Variants in STS observed in about 807,000 individuals in gnomAD.
STS encodes the protein steroid sulfatase.
Under a neutral mutation model 26.8 loss-of-function variants are expected in STS, and 7 were observed. That is an observed-to-expected ratio of 0.26 (90% CI 0.15 to 0.49). STS has a LOEUF of 0.49. Ranked by LOEUF, STS falls within the 20% of genes least tolerant of loss-of-function variation. STS has a pLI of 0.98. For synonymous variants in STS, 199 were observed against 189.4 expected (o/e 1.05, Z -0.42); for missense variants, 434 against 465.6 (o/e 0.93, Z 0.63).
At chrX:7,313,617 C>T (rs1457694126) in intron 8 of STS, among the ~76,000 whole-genome samples, 4 of 112,121 alleles carry the variant, frequency 3.6e-5, no homozygotes, top group African/African-American at 1.3e-4. Flanking sequence ...TGAAAGATCA[C>T]ATCAGTCTCA....
Position 7,280,540 on chromosome X carries a change from C to A in STS, c.943+4453C>A, listed in dbSNP as rs183420138. Among the ~76,000 whole-genome samples the A allele has an allele frequency of 3.0e-3, 332 of 112,159 alleles. 1 individual carries two copies. Among genetic ancestry groups the A allele is most frequent in the African/African-American group, 0.011 (326 of 30,909 alleles). ...TAAAATCTCATTGTTCTCCAGTATA[C>A]AACAAGCATTTTGGAGGCGTGTCAT... On this transcript the variant is annotated intron_variant, in intron 7 of 10. Transcript: ENST00000674429.
intron 10 of STS, among the ~76,000 whole-genome samples, chrX:7,348,914 C>T (rs1928642999): frequency 9.0e-6 from 1 of 111,628 alleles, no homozygotes; most frequent in Admixed American, 9.5e-5. Context: ...TGTAATCCCT[C>T]CTCACCATCA....
At chrX:7,260,038 G>T (rs1002683324) in intron 6 of STS, among the ~76,000 whole-genome samples, 19 of 111,581 alleles carry the variant, frequency 1.7e-4, no homozygotes, top group African/African-American at 5.9e-4. Context: ...ACCACACCTG[G>T]CTAATTTTTT....
At chrX:7,185,522 ATTAC>A (rs756203520) in intron 1 of STS, among the ~76,000 whole-genome samples, 12 of 112,319 alleles carry the variant, frequency 1.1e-4, no homozygotes, top group African/African-American at 3.2e-4. Flanking sequence ...CATTATTATT[ATTAC>A]TATTATTCTC....
chrX:7,346,379 G>A (rs755797803), intron 10 of STS, among the ~76,000 whole-genome samples: 4 of 105,301 alleles, frequency 3.8e-5, no homozygotes, highest in East Asian at 3.1e-4. Flanking sequence ...GTGACAATTC[G>A]TTTTCTTAAT....
intron 8 of STS, among the ~76,000 whole-genome samples, chrX:7,309,922 C>T (rs1926402185): frequency 8.9e-6 from 1 of 111,783 alleles, no homozygotes; most frequent in Middle Eastern, 4.6e-3. Flanking sequence ...TAATTCTGGT[C>T]AAAGTTTAGA....
intron 3 of STS, among the ~76,000 whole-genome samples, chrX:7,256,469 A>G (rs937530576): frequency 9.0e-6 from 1 of 111,626 alleles, no homozygotes; most frequent in Non-Finnish European, 1.9e-5. Context: ...ATGGAGTCTG[A>G]TTATTCCCTG....
At chrX:7,203,852 A>T (rs762186547) in intron 2 of STS, among the ~76,000 whole-genome samples, 4 of 111,550 alleles carry the variant, frequency 3.6e-5, no homozygotes, top group Non-Finnish European at 7.5e-5. Context: ...TGGCACAGTC[A>T]TAGCTCATTG....
Position 7,195,722 on chromosome X carries a change from G to A in STS, c.-5+4714G>A, listed in dbSNP as rs149115699. Among the ~76,000 whole-genome samples, 255 of 112,286 alleles carry A rather than the reference G, an allele frequency of 2.3e-3. 9 individuals are homozygous for A. In the East Asian group the frequency reaches 0.064, roughly 28 times the overall value. ...TGTTGGAACCCTCAGGGTTCCTCAG[G>A]CTGCTCCTGGGAGCTTCTTCAGCCC... On this transcript the variant is annotated intron_variant, in intron 2 of 10. Transcript: ENST00000674429.
At chrX:7,233,267 T>G (rs2147061674) in intron 2 of STS, among the ~76,000 whole-genome samples, 1 of 109,481 alleles carries the variant, frequency 9.1e-6, no homozygotes, top group Non-Finnish European at 1.9e-5. Flanking sequence ...CTAGTTTTTG[T>G]ATTTTTAGTA....
At chrX:7,320,013 T>TTTATATATATTTATATA (rs1926919144) in intron 8 of STS, among the ~76,000 whole-genome samples, 1 of 90,553 alleles carries the variant, frequency 1.1e-5, no homozygotes, top group Non-Finnish European at 2.1e-5. Flanking sequence ...TATATATATA[T>TTTATATATATTTATATA]TTATATATAT....
chrX:7,257,205 G>A, intron 3 of STS, 37 bp from the exon 4 acceptor site: 3 of 1,207,790 alleles, frequency 2.5e-6, no homozygotes, highest in South Asian at 3.5e-5. Context: ...AACAATAAAT[G>A]AAAATGATCA....
chrX:7,296,324 G>A (rs760710734), intron 7 of STS, among the ~76,000 whole-genome samples: 5 of 112,180 alleles, frequency 4.5e-5, no homozygotes, highest in South Asian at 3.7e-4. Flanking sequence ...GGCTGTACCC[G>A]ATTACCCAAT....
At chrX:7,309,829 G>T (rs1323087217) in intron 8 of STS, among the ~76,000 whole-genome samples, 1 of 111,480 alleles carries the variant, frequency 9.0e-6, no homozygotes, top group Non-Finnish European at 1.9e-5. Flanking sequence ...GTTTGGATAT[G>T]GGTAAATTTT....
At chrX:7,201,004 G>C (rs1311307088) in intron 2 of STS, among the ~76,000 whole-genome samples, 2 of 110,924 alleles carry the variant, frequency 1.8e-5, no homozygotes, top group Non-Finnish European at 3.8e-5. Flanking sequence ...CAGATACGTA[G>C]ATAAATGATA....
At chrX:7,240,533 G>GTGTGTA (rs1373072915) in intron 2 of STS, among the ~76,000 whole-genome samples, 187 of 60,534 alleles carry the variant, frequency 3.1e-3, no homozygotes, top group African/African-American at 0.012. Context: ...GTGTGTGTGT[G>GTGTGTA]TATATATATA....
chrX:7,244,366 C>T (rs1029644283), intron 2 of STS, among the ~76,000 whole-genome samples: 7 of 111,634 alleles, frequency 6.3e-5, no homozygotes, highest in African/African-American at 2.0e-4. Flanking sequence ...ATGTTATACC[C>T]GAGAAACATT....
chrX:7,292,953 A>G (rs1228833603), intron 7 of STS, among the ~76,000 whole-genome samples: 19 of 111,551 alleles, frequency 1.7e-4, no homozygotes, highest in African/African-American at 6.2e-4. Context: ...AGTAACCAAA[A>G]CAGCATGGTA....
intron 1 of STS, among the ~76,000 whole-genome samples, chrX:7,154,033 C>A (rs1455347357): frequency 9.0e-6 from 1 of 110,580 alleles, no homozygotes; most frequent in Non-Finnish European, 1.9e-5. Context: ...TTTCCTCTGG[C>A]GTAGCTCCCT....
Sources: allele counts gnomAD v4.1 joint callset (sites outside exome capture counted in the v4.1 genomes callset), GRCh38; gene constraint gnomAD v4.1.1; transcripts MANE v1.5; gene names NCBI Gene and HGNC (gene_info 2026-07-23, HGNC 2026-07-21).